SCN1A: variants seen among roughly 807,000 people sequenced by gnomAD.
SCN1A encodes sodium voltage-gated channel alpha subunit 1.
Under a neutral mutation model 193.7 loss-of-function variants are expected in SCN1A, and 13 were observed. The observed-to-expected ratio is 0.07, with a 90% CI of 0.04 to 0.11. SCN1A has a LOEUF of 0.11. Ranked by LOEUF, SCN1A falls within the 10% of genes least tolerant of loss-of-function variation. SCN1A has a pLI of 1.00. For missense variants in SCN1A, 1,432 were observed against 2,451.1 expected (o/e 0.58, Z 8.78); for synonymous variants, 781 against 843.6 (o/e 0.93, Z 1.29).
intron 2 of SCN1A, among the ~76,000 whole-genome samples, chr2:166,092,279 G>A (rs1310289506): frequency 6.6e-6 from 1 of 152,052 alleles, no homozygotes; most frequent in Non-Finnish European, 1.5e-5. Flanking sequence ...GATCTAAGGT[G>A]GACCTAGAAT....
chr2:166,035,961 A>G, intron 19 of SCN1A, 87 bp downstream of exon 19: 1 of 1,402,678 alleles, frequency 7.1e-7, no homozygotes, highest in Non-Finnish European at 9.9e-7. Flanking sequence ...CTTAAGTCAA[A>G]ACATCATTAA....
At position 166,046,894 on chromosome 2, in the gene SCN1A, A is replaced by G. The variant is rs1697902111; in HGVS notation, c.1253T>C (p.Ile418Thr). 1 of 1,613,992 alleles carries G rather than the reference A, an allele frequency of 6.2e-7. No homozygotes were observed. Among genetic ancestry groups the G allele is most frequent in the Non-Finnish European group, 8.5e-7 (1 of 1,179,906 alleles). Reference sequence around the variant, plus strand: ...GTAGGCCATGGCCACCACAGCCAGGATCAAATTTATTAGGTAGAATGAGCC... The same window carrying G: ...GTAGGCCATGGCCACCACAGCCAGGGTCAAATTTATTAGGTAGAATGAGCC... ...FLGSFYLINL[I>T]LAVVAMAYEE... The change falls in exon 12 of 29, where the codon ATC becomes ACC. Residue 418 changes from isoleucine (I) to threonine (T), a missense_variant. By Grantham distance (89) the Ile-to-Thr change is moderately conservative. Around this residue, in one of 18 missense-constraint regions of SCN1A, gnomAD observed 58 missense variants for 103.4 expected, o/e 0.56. Transcript: ENST00000674923.
At position 166,062,726 on chromosome 2, in the gene SCN1A, A is replaced by G. The variant is rs945387777; in HGVS notation, c.265-4038T>C. On this transcript the variant is annotated intron_variant, in intron 4 of 28. Transcript: ENST00000674923. ...TTGCTGTACCTTAAACTGTATAAACAAATATTGTGTAGCTTTAAGCTAATC... is the reference window on the plus strand; with the variant it reads ...TTGCTGTACCTTAAACTGTATAAACGAATATTGTGTAGCTTTAAGCTAATC... Among the ~76,000 whole-genome samples the G allele has an allele frequency of 5.9e-5, 9 of 152,310 alleles. No individual in the cohort carries two copies. The East Asian group carries it at 1.2e-3, about 20-fold the overall frequency.
intron 2 of SCN1A, among the ~76,000 whole-genome samples, chr2:166,098,571 C>T (rs983709156): frequency 6.6e-6 from 1 of 152,118 alleles, no homozygotes; most frequent in African/African-American, 2.4e-5. Flanking sequence ...AACTATCTCT[C>T]TTTGAAAATG....
chr2:166,106,888 A>G (rs1365423677), intron 2 of SCN1A, among the ~76,000 whole-genome samples: 1 of 152,182 alleles, frequency 6.6e-6, no homozygotes, highest in Non-Finnish European at 1.5e-5. Context: ...TCACGGTCTA[A>G]GAAAAATGCT....
chr2:166,093,494 A>G (rs893406289), intron 2 of SCN1A, among the ~76,000 whole-genome samples: 21 of 151,990 alleles, frequency 1.4e-4, no homozygotes, highest in African/African-American at 5.1e-4. Flanking sequence ...GCCTGCCACC[A>G]CGCCCAGCTA....
chr2:166,037,652 ACT>A lies in SCN1A; in HGVS notation c.2946+122_2946+123del, dbSNP rs796304037. 37 of 814,958 alleles carry A rather than the reference ACT, an allele frequency of 4.5e-5. No individual in the cohort carries two copies. The African/African-American group carries it at 4.9e-4, about 11-fold the overall frequency. The allele number at this position is 814,958 out of a possible 1,614,324, so 50.5% of individuals were successfully genotyped here. A position where few individuals can be genotyped will look rare whatever the true frequency, so the allele number is the denominator to read the frequency against. On this transcript the variant is annotated intron_variant, in intron 18 of 28. Transcript: ENST00000674923. ...GACAAAACAGTCACCATTAAATTATACTCTTTTTTTTTATTATACTTTAAGTT... is the reference window on the plus strand; with the variant it reads ...GACAAAACAGTCACCATTAAATTATACTTTTTTTTTATTATACTTTAAGTT...
intron 20 of SCN1A, among the ~76,000 whole-genome samples, chr2:166,014,126 C>T (rs577448981): frequency 6.6e-6 from 1 of 151,732 alleles, no homozygotes; most frequent in East Asian, 1.9e-4. Context: ...GTCTGCCTCA[C>T]AGTGTTATTG....
chr2:166,008,061 T>G (rs1341723194), intron 23 of SCN1A, among the ~76,000 whole-genome samples: 1 of 151,342 alleles, frequency 6.6e-6, no homozygotes, highest in Admixed American at 6.6e-5. Context: ...TTCATAAATC[T>G]GACCATTTAA....
chr2:165,989,592 G>A lies in SCN1A; in HGVS notation c.*1653C>T, dbSNP rs79971813. ...TGGATATGAATCGTGAACCTATTTT[G>A]CTCCTTAAAATTGTGAAATAATCTA... On this transcript the variant is annotated 3_prime_UTR_variant, in exon 29 of 29. Coordinates refer to ENST00000674923, the MANE Select transcript of SCN1A (RefSeq NM_001165963.4). The A allele has an allele frequency of 0.013, 1,921 of 152,428 alleles. 19 individuals are homozygous for A. The highest frequency in any genetic ancestry group is 0.015 in the Non-Finnish European group (1,042 of 67,984). The allele number at this position is 152,428 out of a possible 1,614,324, so 9.4% of individuals were successfully genotyped here.
intron 19 of SCN1A, among the ~76,000 whole-genome samples, chr2:166,018,114 G>A (rs1017813653): frequency 7.2e-5 from 11 of 151,862 alleles, no homozygotes; most frequent in African/African-American, 2.2e-4. Flanking sequence ...GTAATATCAT[G>A]CAATTGTTAT....
intron 9 of SCN1A, among the ~76,000 whole-genome samples, chr2:166,050,629 A>ATATATATATATATATATATATATATATG (rs1553548949): frequency 5.1e-5 from 4 of 79,092 alleles, no homozygotes; most frequent in African/African-American, 2.3e-4. Flanking sequence ...ATATATATAT[A>ATATATATATATATATATATATATATATG]TATATATATG....
At chr2:166,050,612 AGT>A (rs1698422143) in intron 9 of SCN1A, among the ~76,000 whole-genome samples, 2 of 29,916 alleles carry the variant, frequency 6.7e-5, no homozygotes, top group South Asian at 1.2e-3. Context: ...CATTAAAAAA[AGT>A]ATATATATAT....
intron 21 of SCN1A, among the ~76,000 whole-genome samples, chr2:166,013,000 T>C (rs1692744669): frequency 6.6e-6 from 1 of 151,300 alleles, no homozygotes; most frequent in Non-Finnish European, 1.5e-5. Context: ...TTATAAAAAG[T>C]TAAACTTGTA....
At chr2:166,034,529 C>T (rs1559188910) in intron 19 of SCN1A, among the ~76,000 whole-genome samples, 1 of 152,000 alleles carries the variant, frequency 6.6e-6, no homozygotes, top group Non-Finnish European at 1.5e-5. Context: ...AGATGGGCAC[C>T]CTGCTGTTTT....
Position 166,036,321 on chromosome 2 carries a change from A to C in SCN1A, c.3156T>G (p.Asp1052Glu). 1 of 1,612,870 alleles carries C rather than the reference A, an allele frequency of 6.2e-7. No individual in the cohort carries two copies. The highest frequency in any genetic ancestry group is 1.1e-5 in the South Asian group (1 of 90,652). Residue 1052 changes from aspartate to glutamate, a missense_variant, in exon 19 of 29, where the codon GAT (aspartate) becomes GAG (glutamate). This residue lies in a region of SCN1A where 198 missense variants were observed against 225.8 expected (regional missense o/e 0.88). Coordinates refer to ENST00000674923, the MANE Select transcript of SCN1A (RefSeq NM_001165963.4). Reference sequence around the variant, plus strand: ...AACTGTCTTTCTTGTTGTTTAGATCATCAAGTGGTTTAATTTCATCTAAAA... The same window carrying C: ...AACTGTCTTTCTTGTTGTTTAGATCCTCAAGTGGTTTAATTTCATCTAAAA... ...QKILDEIKPL[D>E]DLNNKKDSCM...
chr2:166,103,288 T>A (rs1217541500), intron 2 of SCN1A, among the ~76,000 whole-genome samples: 2 of 151,884 alleles, frequency 1.3e-5, no homozygotes, highest in Non-Finnish European at 2.9e-5. Flanking sequence ...TGGTCTTTAC[T>A]GAAAACACAA....
intron 6 of SCN1A, 74 bp from the exon 7 acceptor site, chr2:166,054,840 A>T: frequency 7.4e-7 from 1 of 1,343,630 alleles, no homozygotes; most frequent in South Asian, 1.2e-5. Flanking sequence ...TTATCACTCC[A>T]TCAGTGGAAT....
intron 8 of SCN1A, among the ~76,000 whole-genome samples, chr2:166,052,612 GA>G (rs34747425): frequency 5.3e-4 from 47 of 87,856 alleles, no homozygotes; most frequent in Non-Finnish European, 9.1e-4. Flanking sequence ...CTAACATGGT[GA>G]AAAAAAAAAA....
Sources: gnomAD v4.1 joint callset for allele counts (sites outside exome capture counted in the v4.1 genomes callset) on GRCh38, gnomAD v4.1.1 for gene constraint, gnomAD v4.1.1 regional missense constraint, MANE v1.5 for transcripts, NCBI Gene and HGNC (gene_info 2026-07-23, HGNC 2026-07-21) for gene names.